The following GREB1L variants were observed in gnomAD, a reference collection of about 807,000 sequenced individuals.
The protein encoded by GREB1L is GREB1-like protein.
In GREB1L, 17 loss-of-function variants were observed where a neutral mutation model predicts 200.8. The ratio of observed to expected loss-of-function variants is 0.08; its 90% CI spans 0.06 to 0.13. The LOEUF is 0.13. Ranked by LOEUF, GREB1L falls within the 10% of genes least tolerant of loss-of-function variation. GREB1L has a pLI of 1.00. For synonymous variants in GREB1L, 789 were observed against 893.0 expected (o/e 0.88, Z 2.08); for missense variants, 1,657 against 2,367.7 (o/e 0.70, Z 6.23).
chr18:21,420,818 A>G (rs1439823694), intron 7 of GREB1L, among the ~76,000 whole-genome samples: 6 of 152,232 alleles, frequency 3.9e-5, no homozygotes, highest in Admixed American at 3.9e-4. Flanking sequence ...TAAAATCCAT[A>G]CAAACACTTG....
At chr18:21,499,688 A>C (rs1039735707) in intron 21 of GREB1L, 41 bp from the exon 22 acceptor site, 4 of 1,420,186 alleles carry the variant, frequency 2.8e-6, no homozygotes, top group Middle Eastern at 1.7e-4. Context: ...TAGATCAGTA[A>C]CAGAGCTGCT....
intron 19 of GREB1L, among the ~76,000 whole-genome samples, chr18:21,494,141 A>G (rs1445931242): frequency 1.3e-5 from 2 of 152,108 alleles, no homozygotes; most frequent in African/African-American, 4.8e-5. Context: ...GGAAAATTAA[A>G]TTTTTACAGA....
chr18:21,496,516 A>G lies in GREB1L; in HGVS notation c.3209A>G (p.Glu1070Gly). 3.2e-6 allele frequency: 5 copies of G among 1,551,694 alleles called. No homozygotes were observed. Among genetic ancestry groups the G allele is most frequent in the Non-Finnish European group, 4.4e-6 (5 of 1,146,998 alleles). Residue 1070 changes from glutamate to glycine, a missense_variant, in exon 21 of 33, where the codon GAG (glutamate) becomes GGG (glycine). Transcript: ENST00000424526. ...AGCTATTTAACTCGCACGGCCTTGG[A>G]GCAGGAGGTGGGTCTGGCATGCTGC... is the stretch of plus-strand genomic sequence containing the variant. ...DSSYLTRTAL[E>G]QEVGLACCYV...
intron 1 of GREB1L, among the ~76,000 whole-genome samples, chr18:21,361,701 T>C (rs2039582459): frequency 6.6e-6 from 1 of 151,950 alleles, no homozygotes; most frequent in Non-Finnish European, 1.5e-5. Flanking sequence ...TGGTACAGAC[T>C]GTGATCTGGA....
intron 1 of GREB1L, among the ~76,000 whole-genome samples, chr18:21,302,038 A>G (rs562118873): frequency 2.0e-4 from 31 of 152,336 alleles, no homozygotes; most frequent in African/African-American, 7.2e-4. Flanking sequence ...CATTTACCAC[A>G]TTTTAACTCT....
At chr18:21,446,809 A>G (rs974606121) in intron 11 of GREB1L, among the ~76,000 whole-genome samples, 1 of 152,252 alleles carries the variant, frequency 6.6e-6, no homozygotes, top group Non-Finnish European at 1.5e-5. Context: ...ACTTAGAGGT[A>G]TCAGAGAAGA....
At chr18:21,271,110 T>C (rs1397393690) in intron 1 of GREB1L, among the ~76,000 whole-genome samples, 1 of 152,342 alleles carries the variant, frequency 6.6e-6, no homozygotes, top group African/African-American at 2.4e-5. Flanking sequence ...ACATGTTCTG[T>C]ATTCAATAGA....
In GREB1L at chr18:21,438,641, C is replaced by T. The variant is rs1455644075; in HGVS notation, c.833-880C>T. Among the ~76,000 whole-genome samples, 4 of 152,058 alleles carry T rather than the reference C, an allele frequency of 2.6e-5. No individual in the cohort carries two copies. In the South Asian group the frequency reaches 6.2e-4, roughly 24 times the overall value. ...CTCTGAGCCCGCCACTGCACTCTAGCCTGGGTGACAGTGAGACCTTGTCTC... is the reference window on the plus strand; with the variant it reads ...CTCTGAGCCCGCCACTGCACTCTAGTCTGGGTGACAGTGAGACCTTGTCTC... On this transcript the variant is annotated intron_variant, in intron 7 of 32. Coordinates refer to ENST00000424526, the MANE Select transcript of GREB1L (RefSeq NM_001142966.3).
At chr18:21,481,089 G>A (rs1172395563) in intron 17 of GREB1L, among the ~76,000 whole-genome samples, 1 of 152,142 alleles carries the variant, frequency 6.6e-6, no homozygotes, top group East Asian at 1.9e-4. Context: ...TTATCCAGAG[G>A]AGAATAAGAC....
In GREB1L at chr18:21,451,037, C is replaced by A; in HGVS notation, c.1735C>A (p.Arg579=). 1 of 1,552,042 alleles carries A rather than the reference C, an allele frequency of 6.4e-7. No individual in the cohort carries two copies. Among genetic ancestry groups the A allele is most frequent in the Non-Finnish European group, 8.7e-7 (1 of 1,147,034 alleles). ...CVVVLGQHQS[R]ALAESMLTTS... ...CCATCCTGCAGGTCAGCACCAGTCC[C>A]GAGCTCTGGCAGAGAGCATGCTCAC... Residue 579 remains arginine (R), a synonymous_variant, in exon 13 of 33, where the codon CGA becomes AGA. Transcript: ENST00000424526.
chr18:21,376,343 T>C (rs1273535101), intron 2 of GREB1L, among the ~76,000 whole-genome samples: 1 of 148,464 alleles, frequency 6.7e-6, no homozygotes, highest in East Asian at 2.0e-4. Flanking sequence ...GGTCTCAAAC[T>C]CCTGACCTCA....
chr18:21,452,728 G>A (rs1030364286), intron 14 of GREB1L, among the ~76,000 whole-genome samples: 1 of 152,182 alleles, frequency 6.6e-6, no homozygotes, highest in African/African-American at 2.4e-5. Context: ...GGGAGTGTCA[G>A]GGATGAGGAG....
intron 1 of GREB1L, among the ~76,000 whole-genome samples, chr18:21,291,590 G>A (rs1210473071): frequency 3.9e-5 from 6 of 152,230 alleles, no homozygotes; most frequent in African/African-American, 1.2e-4. Flanking sequence ...GGGAGGAAGT[G>A]AAGAGCCCAT....
intron 1 of GREB1L, among the ~76,000 whole-genome samples, chr18:21,287,587 C>G (rs1411162508): frequency 6.6e-6 from 1 of 152,092 alleles, no homozygotes; most frequent in Non-Finnish European, 1.5e-5. Context: ...TTTTATGACT[C>G]ACTCCTACTT....
At chr18:21,492,044 GC>G (rs2036358889) in intron 19 of GREB1L, among the ~76,000 whole-genome samples, 1 of 151,808 alleles carries the variant, frequency 6.6e-6, no homozygotes, top group Non-Finnish European at 1.5e-5. Flanking sequence ...TTTGAATATT[GC>G]TAATGATGAA....
chr18:21,258,730 T>C (rs117910444), intron 1 of GREB1L, among the ~76,000 whole-genome samples: 2,961 of 152,322 alleles, frequency 0.019, 45 homozygotes, highest in Non-Finnish European at 0.031. Context: ...CCTTTTGTTT[T>C]TGAATTACAC....
At chr18:21,432,654 T>G (rs1201641664) in intron 7 of GREB1L, among the ~76,000 whole-genome samples, 1 of 151,068 alleles carries the variant, frequency 6.6e-6, no homozygotes, top group Non-Finnish European at 1.5e-5. Context: ...TATTCATGAT[T>G]TTCGTAAGTT....
intron 1 of GREB1L, among the ~76,000 whole-genome samples, chr18:21,281,124 T>C (rs1165873014): frequency 2.0e-5 from 3 of 152,234 alleles, no homozygotes; most frequent in Admixed American, 2.0e-4. Flanking sequence ...GTGAAGAAGG[T>C]ATCTGGGGAT....
chr18:21,279,185 A>G (rs1051744600), intron 1 of GREB1L, among the ~76,000 whole-genome samples: 8 of 152,166 alleles, frequency 5.3e-5, no homozygotes, highest in African/African-American at 1.9e-4. Flanking sequence ...AAGGGCATCT[A>G]TAATCCCACC....
Sources: gnomAD v4.1 joint callset for allele counts (sites outside exome capture counted in the v4.1 genomes callset) on GRCh38, gnomAD v4.1.1 for gene constraint, MANE v1.5 for transcripts, NCBI Gene and HGNC (gene_info 2026-07-23, HGNC 2026-07-21) for gene names.